The following ADAMTS12 variants were observed in gnomAD, a reference collection of about 807,000 sequenced individuals.
ADAMTS12 encodes ADAM metallopeptidase with thrombospondin type 1 motif 12.
ADAMTS12 carries 118 observed loss-of-function variants against 167.8 expected under a neutral mutation model. The observed-to-expected ratio is 0.70, with a 90% CI of 0.61 to 0.82. The LOEUF (loss-of-function observed/expected upper bound fraction) is 0.82. Ranked by LOEUF, ADAMTS12 falls within the 40% of genes least tolerant of loss-of-function variation. The probability of loss-of-function intolerance (pLI) is 0.00; values close to 1 mark genes in which losing one functional copy is unlikely to be tolerated. For synonymous variants in ADAMTS12, 704 were observed against 716.9 expected (o/e 0.98, Z 0.29); for missense variants, 1,916 against 1,998.8 (o/e 0.96, Z 0.79).
intron 16 of ADAMTS12, among the ~76,000 whole-genome samples, chr5:33,613,474 G>A (rs186806780): frequency 6.6e-6 from 1 of 152,204 alleles, no homozygotes; most frequent in East Asian, 1.9e-4. Flanking sequence ...GCCAACCAAC[G>A]AGATGTGAGT....
chr5:33,613,830 A>G (rs1444118347), intron 16 of ADAMTS12, among the ~76,000 whole-genome samples: 1 of 152,156 alleles, frequency 6.6e-6, no homozygotes, highest in Non-Finnish European at 1.5e-5. Context: ...GAGAAAGAGC[A>G]CTGGGTTAGG....
intron 13 of ADAMTS12, among the ~76,000 whole-genome samples, chr5:33,627,238 ATGGTGGTGG>A (rs375015881): frequency 2.7e-4 from 35 of 128,448 alleles, no homozygotes; most frequent in Non-Finnish European, 5.1e-4. Context: ...TGGTGGAGTG[ATGGTGGTGG>A]TGGTGGTGGT....
chr5:33,797,354 G>A (rs1452897504), intron 2 of ADAMTS12, among the ~76,000 whole-genome samples: 1 of 151,870 alleles, frequency 6.6e-6, no homozygotes, highest in Non-Finnish European at 1.5e-5. Flanking sequence ...GGAGTTATAA[G>A]AAATAGGGAA....
intron 19 of ADAMTS12, among the ~76,000 whole-genome samples, chr5:33,565,724 A>C (rs1252647407): frequency 9.3e-6 from 1 of 107,086 alleles, no homozygotes; most frequent in Admixed American, 1.1e-4. Flanking sequence ...AAGACCATTT[A>C]TTTCTGTCAA....
chr5:33,761,221 G>A (rs1412020007), intron 2 of ADAMTS12, among the ~76,000 whole-genome samples: 2 of 152,186 alleles, frequency 1.3e-5, no homozygotes, highest in African/African-American at 2.4e-5. Flanking sequence ...AAGCCTTTCC[G>A]AGGCTGGGAA....
chr5:33,689,191 A>T (rs1052632606), intron 3 of ADAMTS12, among the ~76,000 whole-genome samples: 10 of 152,208 alleles, frequency 6.6e-5, no homozygotes, highest in Non-Finnish European at 1.0e-4. Context: ...TTCTCACATT[A>T]AAACATGTAG....
intron 1 of ADAMTS12, among the ~76,000 whole-genome samples, chr5:33,881,791 C>A (rs916426596): frequency 9.4e-5 from 13 of 138,690 alleles, no homozygotes; most frequent in Non-Finnish European, 4.6e-5. Flanking sequence ...TCAGGTTGGT[C>A]TTGAACTCCC....
At chr5:33,530,382 A>T (rs1744040130) in intron 23 of ADAMTS12, among the ~76,000 whole-genome samples, 1 of 152,106 alleles carries the variant, frequency 6.6e-6, no homozygotes, top group African/African-American at 2.4e-5. Context: ...TGGGCCATGC[A>T]CTGTGTGCAC....
chr5:33,540,004 G>T (rs1026913995), intron 22 of ADAMTS12, among the ~76,000 whole-genome samples: 1 of 152,200 alleles, frequency 6.6e-6, no homozygotes, highest in Non-Finnish European at 1.5e-5. Flanking sequence ...AGGGCGGGGC[G>T]TCGCTTCACC....
intron 17 of ADAMTS12, among the ~76,000 whole-genome samples, chr5:33,590,043 G>T (rs1225817329): frequency 6.6e-6 from 1 of 152,036 alleles, no homozygotes; most frequent in East Asian, 1.9e-4. Context: ...TAATAATATT[G>T]GAACAGTATG....
intron 2 of ADAMTS12, among the ~76,000 whole-genome samples, chr5:33,781,773 G>A (rs1282150473): frequency 1.3e-5 from 2 of 151,804 alleles, no homozygotes; most frequent in Non-Finnish European, 2.9e-5. Flanking sequence ...GTATACATGT[G>A]CCATGCTGGT....
chr5:33,615,669 G>C (rs1051610655), intron 15 of ADAMTS12, among the ~76,000 whole-genome samples, 159 bp downstream of exon 15: 2 of 152,118 alleles, frequency 1.3e-5, no homozygotes, highest in Non-Finnish European at 2.9e-5. Flanking sequence ...GGCAATAAAG[G>C]ATTAACAGCA....
chr5:33,683,208 G>T, intron 4 of ADAMTS12, 107 bp from the exon 5 acceptor site: 2 of 821,886 alleles, frequency 2.4e-6, no homozygotes, highest in Non-Finnish European at 1.9e-6. Flanking sequence ...TTTTCTTATA[G>T]GTCAGAAATG....
chr5:33,697,566 CCCTTTTTCTCCTTTTCTT>C (rs927462343), intron 3 of ADAMTS12, among the ~76,000 whole-genome samples: 35 of 51,778 alleles, frequency 6.8e-4, no homozygotes, highest in African/African-American at 2.5e-3. Context: ...GCTCCTTTTT[CCCTTTTTCTCCTTTTCTT>C]CCTTTTAGCG....
chr5:33,835,939 CTCTCTCTCTCTCTCTGTGTG>C, intron 2 of ADAMTS12, among the ~76,000 whole-genome samples: 1 of 56,132 alleles, frequency 1.8e-5, no homozygotes, highest in East Asian at 3.1e-4. Context: ...CTCTCTCTCT[CTCTCTCTCTCTCTCTGTGTG>C]TGTGTGTGTG....
chr5:33,730,877 G>C (rs1039399252), intron 3 of ADAMTS12, among the ~76,000 whole-genome samples: 1 of 152,186 alleles, frequency 6.6e-6, no homozygotes, highest in Non-Finnish European at 1.5e-5. Flanking sequence ...CAGCAATGAA[G>C]AAATCTGTAC....
At chr5:33,606,381 A>G (rs1207769134) in intron 16 of ADAMTS12, among the ~76,000 whole-genome samples, 3 of 152,246 alleles carry the variant, frequency 2.0e-5, no homozygotes, top group Non-Finnish European at 4.4e-5. Context: ...ATGCTTCTCT[A>G]TCTTAAAGGA....
chr5:33,554,504 A>C (rs1745402373), intron 20 of ADAMTS12, among the ~76,000 whole-genome samples: 1 of 152,210 alleles, frequency 6.6e-6, no homozygotes, highest in Non-Finnish European at 1.5e-5. Context: ...TTAGACATAG[A>C]AAAAATTATA....
intron 19 of ADAMTS12, among the ~76,000 whole-genome samples, chr5:33,569,111 C>A (rs984124536): frequency 6.6e-6 from 1 of 152,248 alleles, no homozygotes; most frequent in Non-Finnish European, 1.5e-5. Context: ...CTGGGTGGAG[C>A]CCACCACAGC....
Sources: gnomAD v4.1 joint callset for allele counts (sites outside exome capture counted in the v4.1 genomes callset) on GRCh38, gnomAD v4.1.1 for gene constraint, MANE v1.5 for transcripts, NCBI Gene and HGNC (gene_info 2026-07-23, HGNC 2026-07-21) for gene names.